Variants in WDR48 observed in about 807,000 individuals in gnomAD.
WDR48 encodes WD repeat-containing protein 48.
Under a neutral mutation model 94.0 loss-of-function variants are expected in WDR48, and 22 were observed. The ratio of observed to expected loss-of-function variants is 0.23; its 90% CI spans 0.17 to 0.33. The LOEUF is 0.33. WDR48 is among the 10% of genes least tolerant of loss of function. The pLI, the probability that WDR48 is intolerant of heterozygous loss-of-function variation, is 1.00. For missense variants in WDR48, 541 were observed against 813.8 expected, an observed-to-expected ratio of 0.66 and a Z score of 4.08; for synonymous variants, 278 against 280.5, an observed-to-expected ratio of 0.99 and a Z score of 0.09.
At chr3:39,076,403 T>A (rs2034226095) in intron 8 of WDR48, among the ~76,000 whole-genome samples, 1 of 152,234 alleles carries the variant, frequency 6.6e-6, no homozygotes, top group Admixed American at 6.5e-5. Flanking sequence ...TTATGAGTTC[T>A]GCAGCTGCCT....
At chr3:39,068,965 T>G (rs1272152523) in intron 6 of WDR48, 106 bp downstream of exon 6, 1 of 845,586 alleles carries the variant, frequency 1.2e-6, no homozygotes, top group Admixed American at 2.7e-5. Flanking sequence ...TTATATTTAT[T>G]TATTTAGAGA....
chr3:39,087,392 A>G (rs1003825771), intron 14 of WDR48, among the ~76,000 whole-genome samples: 2 of 152,224 alleles, frequency 1.3e-5, no homozygotes, highest in African/African-American at 4.8e-5. Flanking sequence ...TGCCCTGCCC[A>G]GCAGCCTTGA....
rs373452548 is a variant in WDR48 at position 39,090,199 on chromosome 3, T to C, written c.1668+881T>C. 320 of 152,372 alleles carry C rather than the reference T, an allele frequency of 2.1e-3. 1 individual carries two copies. Among genetic ancestry groups the C allele is most frequent in the African/African-American group, 7.3e-3 (303 of 41,578 alleles). 9.4% of individuals were successfully genotyped at this position (152,372 alleles called of 1,614,324 possible). ...TAGGCAAATAGTATCTCATTATTTT[T>C]ATGTGGATTAAAAACAAATTAATAG... On this transcript the variant is annotated intron_variant, in intron 16 of 18. Transcript: ENST00000302313.
At chr3:39,071,261 G>C (rs986196934) in intron 7 of WDR48, among the ~76,000 whole-genome samples, 11 of 152,186 alleles carry the variant, frequency 7.2e-5, no homozygotes, top group African/African-American at 2.7e-4. Context: ...TTAATAATAA[G>C]TATTTTCTTA....
At chr3:39,053,260 C>T (rs1180057315) in intron 1 of WDR48, among the ~76,000 whole-genome samples, 1 of 152,104 alleles carries the variant, frequency 6.6e-6, no homozygotes, top group African/African-American at 2.4e-5. Flanking sequence ...ATATGGAGTT[C>T]TGCGGGTTGA....
intron 17 of WDR48, among the ~76,000 whole-genome samples, chr3:39,092,014 G>A (rs1338760640): frequency 6.6e-6 from 1 of 152,120 alleles, no homozygotes; most frequent in East Asian, 1.9e-4. Context: ...CTCTACAAAA[G>A]ATTTAAGTAA....
intron 7 of WDR48, 97 bp downstream of exon 7, chr3:39,069,841 C>CT: frequency 1.0e-6 from 1 of 963,868 alleles, no homozygotes; most frequent in Non-Finnish European, 1.5e-6. Flanking sequence ...GAAAGCCACA[C>CT]TTATTATAAA....
At chr3:39,077,349 C>T (rs893344396) in intron 9 of WDR48, 136 bp downstream of exon 9, 1 of 761,348 alleles carries the variant, frequency 1.3e-6, no homozygotes, top group Non-Finnish European at 2.1e-6. Flanking sequence ...CCTGAAAGCC[C>T]TGTGAATGTA....
At chr3:39,077,278 C>A in intron 9 of WDR48, 65 bp downstream of exon 9, 1 of 1,577,142 alleles carries the variant, frequency 6.3e-7, no homozygotes, top group Non-Finnish European at 8.7e-7. Flanking sequence ...GACCTGTAGA[C>A]GCCAGTTGCA....
intron 5 of WDR48, among the ~76,000 whole-genome samples, chr3:39,068,097 A>G (rs2033716899): frequency 6.6e-6 from 1 of 152,040 alleles, no homozygotes; most frequent in Non-Finnish European, 1.5e-5. Context: ...ACTTTTTTTT[A>G]ATACATAATA....
rs548645794 is a variant in WDR48 at position 39,096,416 on chromosome 3, C to T, written c.*1673C>T. 5 of 152,152 alleles carry T rather than the reference C, an allele frequency of 3.3e-5. No individual in the cohort carries two copies. The highest frequency in any genetic ancestry group is 1.9e-4 in the East Asian group (1 of 5,168). The allele number at this position is 152,152 out of a possible 1,614,324, so 9.4% of individuals were successfully genotyped here. A position where few individuals can be genotyped will look rare whatever the true frequency, so the allele number is the denominator to read the frequency against. On this transcript the variant is annotated 3_prime_UTR_variant, in exon 19 of 19. Coordinates refer to ENST00000302313, the MANE Select transcript of WDR48 (RefSeq NM_020839.4). ...AGAAAAAAAAAATTATTTACCAGCC[C>T]TCAGTTGTGTTTGCCCGAGGGGCCT...
chr3:39,082,965 A>G (rs1400027607), intron 11 of WDR48, among the ~76,000 whole-genome samples: 1 of 152,248 alleles, frequency 6.6e-6, no homozygotes, highest in Non-Finnish European at 1.5e-5. Context: ...AGAGGAAGCC[A>G]CAATAGTATA....
intron 11 of WDR48, among the ~76,000 whole-genome samples, chr3:39,083,569 A>C (rs1312646462): frequency 6.6e-6 from 1 of 152,110 alleles, no homozygotes; most frequent in East Asian, 1.9e-4. Context: ...AAGGAATCAG[A>C]GTCATGTGCT....
At position 39,096,301 on chromosome 3, in the gene WDR48, T is replaced by C. The variant is rs1249739726; in HGVS notation, c.*1558T>C. The C allele has an allele frequency of 8.8e-6, 1 of 113,218 alleles. No individual in the cohort carries two copies. Among genetic ancestry groups the C allele is most frequent in the Non-Finnish European group, 1.6e-5 (1 of 62,808 alleles). 7.0% of individuals were successfully genotyped at this position (113,218 alleles called of 1,614,324 possible). A position where few individuals can be genotyped will look rare whatever the true frequency, so the allele number is the denominator to read the frequency against. ...TCCCTTCCTCAGAGAGCAACCAGCTTCTTTTTTTTTAAAAGTCCTTTCTAT... is the reference window on the plus strand; with the variant it reads ...TCCCTTCCTCAGAGAGCAACCAGCTCCTTTTTTTTTAAAAGTCCTTTCTAT... On this transcript the variant is annotated 3_prime_UTR_variant, in exon 19 of 19. Transcript: ENST00000302313.
chr3:39,055,281 G>A (rs1171020056), intron 1 of WDR48, among the ~76,000 whole-genome samples: 1 of 152,202 alleles, frequency 6.6e-6, no homozygotes, highest in Non-Finnish European at 1.5e-5. Context: ...GAGGTCAGGA[G>A]TTCGAGACCA....
chr3:39,095,928 C>G lies in WDR48; in HGVS notation c.*1185C>G, dbSNP rs2035311506. On this transcript the variant is annotated 3_prime_UTR_variant, in exon 19 of 19. Coordinates refer to ENST00000302313, the MANE Select transcript of WDR48 (RefSeq NM_020839.4). ...GGTCCACCCCCATAAAACTGTAAGA[C>G]AAGCCTCCTGTATGAAGCCAGAAGC... The G allele has an allele frequency of 6.6e-6, 1 of 152,598 alleles. No homozygotes were observed. Among genetic ancestry groups the G allele is most frequent in the South Asian group, 2.1e-4 (1 of 4,828 alleles). The allele number at this position is 152,598 out of a possible 1,614,324, so 9.5% of individuals were successfully genotyped here. A position where few individuals can be genotyped will look rare whatever the true frequency, so the allele number is the denominator to read the frequency against.
chr3:39,084,218 A>G lies in WDR48; in HGVS notation c.1237A>G (p.Met413Val). ...AGATGAAATTAAGAAAAGATTTAAA[A>G]TGGTGTATGTGCCAAATTGGTTCTC... ...FEDEIKKRFK[M>V]VYVPNWFSVD... is the part of the protein sequence containing the mutation. The change falls in exon 12 of 19, where the codon ATG becomes GTG. Residue 413 changes from methionine (M) to valine (V), a missense_variant. By Grantham distance (21) the Met-to-Val change is conservative. Transcript: ENST00000302313. 6.2e-7 allele frequency: 1 copy of G among 1,612,876 alleles called. No homozygotes were observed. The highest frequency in any genetic ancestry group is 8.5e-7 in the Non-Finnish European group (1 of 1,179,256).
chr3:39,069,155 A>G (rs1237304599), intron 6 of WDR48, among the ~76,000 whole-genome samples: 3 of 152,004 alleles, frequency 2.0e-5, no homozygotes, highest in Admixed American at 6.6e-5. Context: ...TAATTTTTGT[A>G]TATTTTTAAT....
At chr3:39,052,122 G>A in intron 1 of WDR48, 49 bp downstream of exon 1, 1 of 1,609,658 alleles carries the variant, frequency 6.2e-7, no homozygotes, top group Non-Finnish European at 8.5e-7. Context: ...GGCAGCTCCG[G>A]GCCCACTCCA....
Sources: gnomAD v4.1 joint callset for allele counts (sites outside exome capture counted in the v4.1 genomes callset) on GRCh38, gnomAD v4.1.1 for gene constraint, MANE v1.5 for transcripts, NCBI Gene and HGNC (gene_info 2026-07-23, HGNC 2026-07-21) for gene names.